FRK: variants seen among roughly 807,000 people sequenced by gnomAD.
The protein encoded by FRK is tyrosine-protein kinase FRK.
In FRK, 51 loss-of-function variants were observed where a neutral mutation model predicts 56.4. That is an observed-to-expected ratio of 0.90 (90% confidence interval 0.72 to 1.14). The LOEUF is 1.14. FRK is among the 50% of genes most tolerant of loss of function. FRK has a pLI of 0.00. For missense variants in FRK, 570 were observed against 601.4 expected (o/e 0.95, Z 0.55); for synonymous variants, 245 against 217.9 (o/e 1.12, Z -1.10).
intron 1 of FRK, among the ~76,000 whole-genome samples, chr6:116,057,334 TA>T (rs1777439244): frequency 6.6e-6 from 1 of 152,132 alleles, no homozygotes; most frequent in Non-Finnish European, 1.5e-5. Flanking sequence ...AATATTAAAA[TA>T]AGTTGTTTTT....
rs113994627 is a variant in FRK, at chr6:116,030,433, T to C, written c.345-26435A>G. Among the ~76,000 whole-genome samples, 766 of 152,274 alleles carry C rather than the reference T, an allele frequency of 5.0e-3. 4 individuals are homozygous for C. The highest frequency in any genetic ancestry group is 0.017 in the African/African-American group (725 of 41,566). On this transcript the variant is annotated intron_variant, in intron 1 of 7. Coordinates refer to ENST00000606080, the MANE Select transcript of FRK (RefSeq NM_002031.3). ...AATGATAAGAGTTTTAGGAGCTCTCTGGCACAAAGCTCCTAATCCTTTGGA... is the reference window on the plus strand; with the variant it reads ...AATGATAAGAGTTTTAGGAGCTCTCCGGCACAAAGCTCCTAATCCTTTGGA...
chr6:115,984,574 C>G (rs1459959701), intron 2 of FRK, among the ~76,000 whole-genome samples: 10 of 151,918 alleles, frequency 6.6e-5, no homozygotes, highest in Non-Finnish European at 1.2e-4. Context: ...TGTAGATAAA[C>G]AAATGGATGC....
chr6:116,010,421 C>T (rs1775419673), intron 1 of FRK, among the ~76,000 whole-genome samples: 1 of 152,074 alleles, frequency 6.6e-6, no homozygotes, highest in Non-Finnish European at 1.5e-5. Context: ...CAGGAACATG[C>T]TACAAAAATT....
chr6:115,995,731 G>A (rs989469822), intron 2 of FRK, among the ~76,000 whole-genome samples: 3 of 152,120 alleles, frequency 2.0e-5, no homozygotes, highest in African/African-American at 7.2e-5. Context: ...CTGTGCATCT[G>A]CATGTATATG....
chr6:116,027,423 T>A (rs1358657052), intron 1 of FRK, among the ~76,000 whole-genome samples: 1 of 152,192 alleles, frequency 6.6e-6, no homozygotes, highest in Non-Finnish European at 1.5e-5. Context: ...GAGTGTATAT[T>A]TCTTATCAAG....
chr6:116,078,960 T>C, the FRK span, among the ~76,000 whole-genome samples: 2 of 152,318 alleles, frequency 1.3e-5, no homozygotes, highest in Admixed American at 6.5e-5. Context: ...ATATCAAAAG[T>C]CCATTCCTTT....
chr6:116,046,419 A>C (rs964590187), intron 1 of FRK, among the ~76,000 whole-genome samples: 2 of 152,200 alleles, frequency 1.3e-5, no homozygotes, highest in Non-Finnish European at 2.9e-5. Flanking sequence ...AAGAAAATGT[A>C]GCACATATAC....
chr6:115,993,688 G>A (rs1582690054), intron 2 of FRK, among the ~76,000 whole-genome samples: 1 of 152,048 alleles, frequency 6.6e-6, no homozygotes, highest in East Asian at 1.9e-4. Context: ...AAAAAGAACT[G>A]AGGAAAGCTT....
At position 115,939,832 on chromosome 6, in the gene FRK, A is replaced by G. The variant is rs1393502584; in HGVS notation, c.*2582T>C. On this transcript the variant is annotated 3_prime_UTR_variant, in exon 8 of 8. Coordinates refer to ENST00000606080, the MANE Select transcript of FRK (RefSeq NM_002031.3). Reference sequence around the variant, plus strand: ...CCACTGCTCAAGGAAATAAGAGAGGACACAAATAAATGGAAAAACATTCCA... The same window carrying G: ...CCACTGCTCAAGGAAATAAGAGAGGGCACAAATAAATGGAAAAACATTCCA... 6.6e-6 allele frequency: 1 copy of G among 152,230 alleles called. No homozygotes were observed. The highest frequency in any genetic ancestry group is 1.5e-5 in the Non-Finnish European group (1 of 68,050). 9.4% of individuals were successfully genotyped at this position (152,230 alleles called of 1,614,324 possible).
At chr6:115,969,082 G>A (rs1773703792) in intron 2 of FRK, among the ~76,000 whole-genome samples, 3 of 152,116 alleles carry the variant, frequency 2.0e-5, no homozygotes, top group Admixed American at 2.0e-4. Context: ...CCATTTTGAG[G>A]AATCACAGTA....
At chr6:115,989,131 C>T (rs1774497109) in intron 2 of FRK, among the ~76,000 whole-genome samples, 1 of 151,800 alleles carries the variant, frequency 6.6e-6, no homozygotes, top group African/African-American at 2.4e-5. Context: ...AAATATTATC[C>T]ATATTGGATT....
chr6:115,979,953 T>A (rs1774135209), intron 2 of FRK, among the ~76,000 whole-genome samples: 2 of 152,104 alleles, frequency 1.3e-5, no homozygotes, highest in African/African-American at 4.8e-5. Context: ...TCAGAACATA[T>A]CCTGGTTGTT....
At chr6:115,960,199 G>A (rs1178897921) in intron 4 of FRK, among the ~76,000 whole-genome samples, 4 of 151,080 alleles carry the variant, frequency 2.6e-5, no homozygotes, top group Non-Finnish European at 4.4e-5. Context: ...CACCGTGCGC[G>A]AGCCGAAGCA....
rs41289918 is a variant in FRK, at chr6:115,942,656, C to A, written c.1307-31G>T. On this transcript the variant is annotated intron_variant, in intron 7 of 7. Coordinates refer to ENST00000606080, the MANE Select transcript of FRK (RefSeq NM_002031.3). ...AAATACAGAACGAAACCAACAACAA[C>A]AAAAAAAACAAGTTAAAGGTCAGAG... The A allele has an allele frequency of 0.037, 57,061 of 1,542,754 alleles. 2,135 individuals are homozygous for A. The highest frequency in any genetic ancestry group is 0.22 in the Admixed American group (12,291 of 55,636).
At chr6:115,969,629 G>A (rs918672843) in intron 2 of FRK, among the ~76,000 whole-genome samples, 3 of 152,132 alleles carry the variant, frequency 2.0e-5, no homozygotes, top group South Asian at 2.1e-4. Context: ...CCCCAATTCC[G>A]GGACTTAATA....
chr6:115,976,866 G>A (rs1199036271), intron 2 of FRK, among the ~76,000 whole-genome samples: 1 of 152,092 alleles, frequency 6.6e-6, no homozygotes, highest in Non-Finnish European at 1.5e-5. Context: ...CACAATATCA[G>A]TATTGTCAAA....
chr6:116,033,310 A>G (rs181337862), intron 1 of FRK, among the ~76,000 whole-genome samples: 155 of 152,312 alleles, frequency 1.0e-3, no homozygotes, highest in African/African-American at 3.5e-3. Context: ...CTCAGGATAA[A>G]TGTACACATA....
chr6:115,975,189 T>C (rs1330016988), intron 2 of FRK, among the ~76,000 whole-genome samples: 1 of 152,152 alleles, frequency 6.6e-6, no homozygotes, highest in African/African-American at 2.4e-5. Context: ...TACTAGAGAA[T>C]AGTCATTCAA....
chr6:116,029,510 G>A (rs1021174704), intron 1 of FRK, among the ~76,000 whole-genome samples: 2 of 152,068 alleles, frequency 1.3e-5, no homozygotes, highest in Non-Finnish European at 2.9e-5. Flanking sequence ...TTGTGTAGTA[G>A]TGAGTCATAC....
Sources: allele counts gnomAD v4.1 joint callset (sites outside exome capture counted in the v4.1 genomes callset), GRCh38; gene constraint gnomAD v4.1.1; transcripts MANE v1.5; gene names NCBI Gene and HGNC (gene_info 2026-07-23, HGNC 2026-07-21).